NAA11: variants seen among roughly 807,000 people sequenced by gnomAD.
NAA11 encodes N-alpha-acetyltransferase 11, NatA catalytic subunit.
A neutral mutation model predicts 16.1 loss-of-function variants in NAA11; 15 were observed. The observed-to-expected ratio is 0.93, with a 90% CI of 0.62 to 1.44. The LOEUF (loss-of-function observed/expected upper bound fraction) is 1.44. NAA11 is among the 40% of genes most tolerant of loss of function. The pLI, the probability that NAA11 is intolerant of heterozygous loss-of-function variation, is 0.00. For missense variants in NAA11, 298 were observed against 291.3 expected (o/e 1.02, Z -0.17); for synonymous variants, 122 against 112.4 (o/e 1.09, Z -0.54).
chr4:79,189,155 A>AAAAAAAAAAAAAAAAC, the NAA11 span, among the ~76,000 whole-genome samples: 4 of 146,826 alleles, frequency 2.7e-5, no homozygotes, highest in Non-Finnish European at 4.5e-5. Flanking sequence ...CAAAAAAAAA[A>AAAAAAAAAAAAAAAAC]AAAAAAAAAC....
chr4:79,206,949 G>T, the NAA11 span, among the ~76,000 whole-genome samples: 28 of 152,030 alleles, frequency 1.8e-4, no homozygotes, highest in East Asian at 5.8e-4. Context: ...GGGTATTTTG[G>T]TTTTTTTGTA....
Position 79,305,208 on chromosome 4 carries a change from T to G in NAA11, c.*13-11094A>C, listed in dbSNP as rs367848606. On this transcript the variant is annotated intron_variant and NMD_transcript_variant, in intron 1 of 2. Coordinates refer to the NAA11 transcript ENST00000511542. ...GTTAGGCCATAGATAGACTTTATCT[T>G]CAAATAGAGGCTCTTCCCCCACCAT... The G allele has an allele frequency of 5.9e-5, 9 of 152,292 alleles. No homozygotes were observed. The East Asian group carries it at 1.7e-3, about 29-fold the overall frequency. The allele number at this position is 152,292 out of a possible 1,614,324, so 9.4% of individuals were successfully genotyped here.
At chr4:79,248,554 A>G (rs146409335) in intron 2 of NAA11, among the ~76,000 whole-genome samples, 126 of 152,210 alleles carry the variant, frequency 8.3e-4, no homozygotes, top group African/African-American at 2.9e-3. Context: ...CACAATTGCA[A>G]ATGTGGTGAC....
intron 2 of NAA11, among the ~76,000 whole-genome samples, chr4:79,229,082 G>T (rs969731561): frequency 2.6e-5 from 4 of 151,694 alleles, no homozygotes; most frequent in Non-Finnish European, 4.4e-5. Flanking sequence ...GTCCAATATA[G>T]CAACATTTTC....
the NAA11 span, among the ~76,000 whole-genome samples, chr4:79,218,893 TACC>T: frequency 7.2e-5 from 11 of 152,118 alleles, no homozygotes; most frequent in Non-Finnish European, 1.3e-4. Context: ...AATTCTGTAC[TACC>T]ATGCAAAATT....
chr4:79,315,648 AG>A, downstream of NAA11, among the ~76,000 whole-genome samples: 1 of 152,142 alleles, frequency 6.6e-6, no homozygotes, highest in South Asian at 2.1e-4. Context: ...TGCTCTCTCT[AG>A]GACTGTGCCT....
chr4:79,266,088 C>T (rs1373931700), intron 2 of NAA11, among the ~76,000 whole-genome samples: 2 of 152,170 alleles, frequency 1.3e-5, no homozygotes, highest in Admixed American at 1.3e-4. Flanking sequence ...AACTCTCTCC[C>T]ACCCACCTGC....
chr4:79,319,221 C>T lies in NAA11; in HGVS notation c.*13-1430G>A, dbSNP rs147698201. On this transcript the variant is annotated intron_variant, in intron 1 of 1. Coordinates refer to ENST00000286794, the MANE Select transcript of NAA11 (RefSeq NM_032693.3). ...GGGATTACAGGCATGAGCCGCTGTG[C>T]CCACCCCAAGCCCTTAATGTCTTGC... Among the ~76,000 whole-genome samples, 1,113 of 152,278 alleles carry T rather than the reference C, an allele frequency of 7.3e-3. 19 individuals carry two copies. The highest frequency in any genetic ancestry group is 0.025 in the African/African-American group (1,049 of 41,556).
intron 2 of NAA11, among the ~76,000 whole-genome samples, chr4:79,233,113 T>C (rs1721501809): frequency 6.6e-6 from 1 of 151,920 alleles, no homozygotes; most frequent in Non-Finnish European, 1.5e-5. Context: ...AGTTTTTTTT[T>C]CCTGTTTTTT....
intron 2 of NAA11, among the ~76,000 whole-genome samples, chr4:79,260,807 CTG>C (rs1722231367): frequency 6.6e-6 from 1 of 152,218 alleles, no homozygotes; most frequent in African/African-American, 2.4e-5. Context: ...TCTAAAAACA[CTG>C]TCTTTACTTG....
intron 2 of NAA11, among the ~76,000 whole-genome samples, chr4:79,253,554 TGAGA>T (rs200536439): frequency 3.3e-5 from 5 of 151,134 alleles, no homozygotes; most frequent in Admixed American, 6.6e-5. Context: ...AAAGAAGTGA[TGAGA>T]GAGAGAGAGA....
intron 2 of NAA11, among the ~76,000 whole-genome samples, chr4:79,243,390 T>A (rs1721737448): frequency 6.6e-6 from 1 of 152,206 alleles, no homozygotes; most frequent in Non-Finnish European, 1.5e-5. Flanking sequence ...ATCCCCCACA[T>A]ATGCGCTTAC....
At chr4:79,197,954 A>G in the NAA11 span, among the ~76,000 whole-genome samples, 3 of 145,474 alleles carry the variant, frequency 2.1e-5, no homozygotes, top group Non-Finnish European at 4.5e-5. Flanking sequence ...AGGTTATGCG[A>G]GGTAAGTAAA....
chr4:79,232,993 C>T (rs901217097), intron 2 of NAA11, among the ~76,000 whole-genome samples: 5 of 151,908 alleles, frequency 3.3e-5, no homozygotes, highest in African/African-American at 4.8e-5. Context: ...TAATATCTAC[C>T]TCATAAAGTT....
At chr4:79,250,885 A>AT (rs1415791465) in intron 2 of NAA11, among the ~76,000 whole-genome samples, 1 of 152,218 alleles carries the variant, frequency 6.6e-6, no homozygotes, top group Non-Finnish European at 1.5e-5. Flanking sequence ...AACATCACTA[A>AT]TCATTAGAGA....
the NAA11 span, among the ~76,000 whole-genome samples, chr4:79,174,387 C>T: frequency 6.6e-6 from 1 of 152,030 alleles, no homozygotes; most frequent in Non-Finnish European, 1.5e-5. Context: ...GTTTCTTAGT[C>T]ATATGTTCTC....
the NAA11 span, among the ~76,000 whole-genome samples, chr4:79,173,928 G>T: frequency 6.6e-6 from 1 of 152,114 alleles, no homozygotes; most frequent in Non-Finnish European, 1.5e-5. Context: ...TGACAGTGAG[G>T]CCTTTGAGCT....
the NAA11 span, among the ~76,000 whole-genome samples, chr4:79,201,854 A>G: frequency 7.2e-5 from 11 of 151,744 alleles, no homozygotes; most frequent in African/African-American, 2.7e-4. Flanking sequence ...CAATATTGTA[A>G]AGTTATCAAA....
chr4:79,204,300 C>T, the NAA11 span, among the ~76,000 whole-genome samples: 1 of 151,892 alleles, frequency 6.6e-6, no homozygotes, highest in Non-Finnish European at 1.5e-5. Context: ...AATTATGGTA[C>T]ATCGCATATT....
Sources: allele counts gnomAD v4.1 joint callset (sites outside exome capture counted in the v4.1 genomes callset), GRCh38; gene constraint gnomAD v4.1.1; transcripts MANE v1.5; gene names NCBI Gene and HGNC (gene_info 2026-07-23, HGNC 2026-07-21).